The following GDPGP1 variants were observed in gnomAD, a reference collection of about 807,000 sequenced individuals.
GDPGP1 encodes the protein GDP-D-glucose phosphorylase 1, also known as GDP-D-glucose phosphorylase C15orf58.
Under a neutral mutation model 19.2 loss-of-function variants are expected in GDPGP1, and 18 were observed. That is an observed-to-expected ratio of 0.94 (90% CI 0.65 to 1.39). GDPGP1 has a LOEUF of 1.39. GDPGP1 is among the 40% of genes most tolerant of loss of function. The pLI, the probability that GDPGP1 is intolerant of heterozygous loss-of-function variation, is 0.00. For synonymous variants in GDPGP1, 219 were observed against 208.9 expected, an observed-to-expected ratio of 1.05 and a Z score of -0.42; for missense variants, 449 against 490.5, an observed-to-expected ratio of 0.92 and a Z score of 0.80.
intron 2 of GDPGP1, among the ~76,000 whole-genome samples, chr15:90,235,425 A>G (rs1962612385): frequency 6.6e-6 from 1 of 152,110 alleles, no homozygotes; most frequent in African/African-American, 2.4e-5. Context: ...AATTAGCCAG[A>G]CATGGTTAAA....
intron 3 of GDPGP1, among the ~76,000 whole-genome samples, chr15:90,238,927 AAAAAC>A (rs143396632): frequency 6.6e-6 from 1 of 152,156 alleles, no homozygotes; most frequent in Admixed American, 6.5e-5. Flanking sequence ...TGTCTCTACC[AAAAAC>A]AAAACAAAAC....
At position 90,244,351 on chromosome 15, in the gene GDPGP1, G is replaced by T. The variant is rs1323580806; in HGVS notation, c.*2285G>T. 6.6e-6 allele frequency: 1 copy of T among 152,168 alleles called. No individual in the cohort carries two copies. The highest frequency in any genetic ancestry group is 1.5e-5 in the Non-Finnish European group (1 of 68,046). The allele number at this position is 152,168 out of a possible 1,614,324, so 9.4% of individuals were successfully genotyped here. On this transcript the variant is annotated 3_prime_UTR_variant, in exon 4 of 4. Coordinates refer to ENST00000329600, the MANE Select transcript of GDPGP1 (RefSeq NM_001013657.3). The stretch of plus-strand genomic sequence containing the variant: ...AAGCTAAGTCGTTGTTCCTCCGTCT[G>T]CATCTGAGTCAATGTGGGAAATTTT...
In GDPGP1 at chr15:90,241,148, A is replaced by G. The variant is rs775635486; in HGVS notation, c.240A>G (p.Leu80=). Residue 80 remains leucine (L), a synonymous_variant, in exon 4 of 4, where the codon CTA becomes CTG. Transcript: ENST00000329600. ...AGCTGGGGCTGTTTCGCTACCGTCT[A>G]CGGGAGCTACAGACCCAAATCCTCC... The part of the protein sequence containing the change: ...RVELGLFRYR[L]RELQTQILPG... 6.2e-6 allele frequency: 10 copies of G among 1,614,130 alleles called. No individual in the cohort carries two copies. The Middle Eastern group carries it at 9.9e-4, about 160-fold the overall frequency.
rs1245023458 is a variant in GDPGP1, at chr15:90,244,453, A to G, written c.*2387A>G. 2 of 152,184 alleles carry G rather than the reference A, an allele frequency of 1.3e-5. No homozygotes were observed. The allele number at this position is 152,184 out of a possible 1,614,324, so 9.4% of individuals were successfully genotyped here. On this transcript the variant is annotated 3_prime_UTR_variant, in exon 4 of 4. Coordinates refer to ENST00000329600, the MANE Select transcript of GDPGP1 (RefSeq NM_001013657.3). ...GTTCCAGAGGAACTAGTCAGTAGAC[A>G]CTATTCTAAGAGAGTATGTGGGTGT...
Position 90,244,993 on chromosome 15 carries a change from G to A in GDPGP1, c.*2927G>A, listed in dbSNP as rs1278336765. 6.6e-6 allele frequency: 1 copy of A among 152,350 alleles called. No individual in the cohort carries two copies. Among genetic ancestry groups the A allele is most frequent in the Non-Finnish European group, 1.5e-5 (1 of 68,160 alleles). 9.4% of individuals were successfully genotyped at this position (152,350 alleles called of 1,614,324 possible). On this transcript the variant is annotated 3_prime_UTR_variant, in exon 4 of 4. Transcript: ENST00000329600. ...GTCTGAGTGGGCTCACCCAGGAGGG[G>A]TTTTGATTTCTCTGCCTCCCAAACT...
chr15:90,237,859 G>T (rs1962668962), intron 2 of GDPGP1, among the ~76,000 whole-genome samples: 1 of 152,080 alleles, frequency 6.6e-6, no homozygotes, highest in Non-Finnish European at 1.5e-5. Context: ...GGCTGAGGTG[G>T]ATGGATTGCT....
At chr15:90,236,404 T>C (rs1962637754) in intron 2 of GDPGP1, among the ~76,000 whole-genome samples, 1 of 152,246 alleles carries the variant, frequency 6.6e-6, no homozygotes, top group South Asian at 2.1e-4. Flanking sequence ...GTGATCTAGA[T>C]CTCTCAGTCA....
rs1433905993 is a variant in GDPGP1, at chr15:90,243,550, T to A, written c.*1484T>A. The A allele has an allele frequency of 6.6e-6, 1 of 152,098 alleles. No homozygotes were observed. The highest frequency in any genetic ancestry group is 2.4e-5 in the African/African-American group (1 of 41,336). 9.4% of individuals were successfully genotyped at this position (152,098 alleles called of 1,614,324 possible). A position where few individuals can be genotyped will look rare whatever the true frequency, so the allele number is the denominator to read the frequency against. On this transcript the variant is annotated 3_prime_UTR_variant, in exon 4 of 4. Coordinates refer to ENST00000329600, the MANE Select transcript of GDPGP1 (RefSeq NM_001013657.3). ...TTTGTAGAGATAGGGTCTTGCTATG[T>A]TGCCCGGGTTGCTGTCAAACTCCTG... is the stretch of plus-strand genomic sequence containing the variant.
At chr15:90,235,214 C>T (rs1596174682) in intron 2 of GDPGP1, among the ~76,000 whole-genome samples, 1 of 152,164 alleles carries the variant, frequency 6.6e-6, no homozygotes, top group Admixed American at 6.5e-5. Context: ...CCAGTGCTCT[C>T]CTTGGCAGCA....
At position 90,241,070 on chromosome 15, in the gene GDPGP1, G is replaced by A. The variant is rs1596178997; in HGVS notation, c.162G>A (p.Leu54=). The change falls in exon 4 of 4, where the codon CTG becomes CTA. Residue 54 remains leucine (L), a synonymous_variant. Coordinates refer to ENST00000329600, the MANE Select transcript of GDPGP1 (RefSeq NM_001013657.3). ...PRNAPGIPDA[L]PQSPFDAALC... Reference sequence around the variant, plus strand: ...ATGCACCTGGCATCCCAGATGCTCTGCCACAATCTCCCTTTGATGCTGCAC... The same window carrying A: ...ATGCACCTGGCATCCCAGATGCTCTACCACAATCTCCCTTTGATGCTGCAC... The A allele has an allele frequency of 6.2e-7, 1 of 1,614,198 alleles. No homozygotes were observed. The highest frequency in any genetic ancestry group is 2.2e-5 in the East Asian group (1 of 44,892).
In GDPGP1 at chr15:90,245,312, TAAAAACAC is replaced by T. The variant is rs973015774; in HGVS notation, c.*3252_*3259del. The T allele has an allele frequency of 2.0e-5, 3 of 151,862 alleles. No homozygotes were observed. The highest frequency in any genetic ancestry group is 2.9e-5 in the Non-Finnish European group (2 of 67,978). The allele number at this position is 151,862 out of a possible 1,614,324, so 9.4% of individuals were successfully genotyped here. A position where few individuals can be genotyped will look rare whatever the true frequency, so the allele number is the denominator to read the frequency against. On this transcript the variant is annotated 3_prime_UTR_variant, in exon 4 of 4. Transcript: ENST00000329600. ...CAACATGGTGAAACCCCGTCTCTAC[TAAAAACAC>T]AAAAATTAGCTGGGTGTGGGTGCAC...
chr15:90,242,063 A>T lies in GDPGP1; in HGVS notation c.1155A>T (p.Gln385His), dbSNP rs145958808. The T allele has an allele frequency of 5.1e-5, 81 of 1,597,330 alleles. 1 individual carries two copies. In the African/African-American group the frequency reaches 8.3e-4, roughly 16 times the overall value. Residue 385 changes from glutamine to histidine, a missense_variant, in exon 4 of 4, where the codon CAA becomes CAT. Gln to His is a conservative substitution (Grantham distance 24). Transcript: ENST00000329600. Reference protein sequence around the residue: ...ALVALMSQEEQ With the variant: ...ALVALMSQEEH ...TGGCCCTGATGTCCCAGGAAGAGCA[A>T]TAATACTTCTGGATGTATTTATGTT...
At chr15:90,240,446 T>G (rs1962727890) in intron 3 of GDPGP1, among the ~76,000 whole-genome samples, 2 of 152,016 alleles carry the variant, frequency 1.3e-5, no homozygotes, top group Admixed American at 1.3e-4. Context: ...AGGTGGAGGT[T>G]GCAGTGAGCC....
At chr15:90,240,669 C>A (rs1183285074) in intron 3 of GDPGP1, among the ~76,000 whole-genome samples, 1 of 151,682 alleles carries the variant, frequency 6.6e-6, no homozygotes, top group Non-Finnish European at 1.5e-5. Flanking sequence ...AAAAATTACC[C>A]GGGCATGGTG....
intron 3 of GDPGP1, 147 bp from the exon 4 acceptor site, chr15:90,240,753 C>G: frequency 1.7e-6 from 1 of 595,650 alleles, no homozygotes; most frequent in South Asian, 2.2e-5. Flanking sequence ...GCGGAGGTTA[C>G]AGTGAACCAA....
rs1596180702 is a variant in GDPGP1, at chr15:90,242,687, T to A, written c.*621T>A. On this transcript the variant is annotated 3_prime_UTR_variant, in exon 4 of 4. Transcript: ENST00000329600. ...GTCTTGAACTCCTGACTTTAGGTGA[T>A]CCGCCCGCCTCGGCCTCCCAAAGTG... The A allele has an allele frequency of 6.6e-6, 1 of 152,148 alleles. No individual in the cohort carries two copies. Among genetic ancestry groups the A allele is most frequent in the African/African-American group, 2.4e-5 (1 of 41,412 alleles). The allele number at this position is 152,148 out of a possible 1,614,324, so 9.4% of individuals were successfully genotyped here.
rs1962808821 is a variant in GDPGP1 at position 90,243,618 on chromosome 15, ATGCCACCACACCT to A, written c.*1555_*1567del. ...CACCTCGGCCTCCCAGAGTGCTAAG[ATGCCACCACACCT>A]TGGTGCAGGTTTTTTTTTTTTTTTT... On this transcript the variant is annotated 3_prime_UTR_variant, in exon 4 of 4. Transcript: ENST00000329600. 7.1e-6 allele frequency: 1 copy of A among 140,364 alleles called. No homozygotes were observed. Among genetic ancestry groups the A allele is most frequent in the Non-Finnish European group, 1.5e-5 (1 of 65,976 alleles). 8.7% of individuals were successfully genotyped at this position (140,364 alleles called of 1,614,324 possible). A position where few individuals can be genotyped will look rare whatever the true frequency, so the allele number is the denominator to read the frequency against.
At chr15:90,236,483 A>G (rs1199895805) in intron 2 of GDPGP1, among the ~76,000 whole-genome samples, 2 of 152,160 alleles carry the variant, frequency 1.3e-5, no homozygotes, top group African/African-American at 4.8e-5. Flanking sequence ...TTCATTTTGT[A>G]CACTGACCAG....
intron 2 of GDPGP1, among the ~76,000 whole-genome samples, chr15:90,236,639 T>G (rs1019440352): frequency 2.6e-5 from 4 of 151,974 alleles, no homozygotes; most frequent in African/African-American, 9.7e-5. Flanking sequence ...GTTCACCTGA[T>G]TCTCATGCCT....
Sources: gnomAD v4.1 joint callset for allele counts (sites outside exome capture counted in the v4.1 genomes callset) on GRCh38, gnomAD v4.1.1 for gene constraint, MANE v1.5 for transcripts, NCBI Gene and HGNC (gene_info 2026-07-23, HGNC 2026-07-21) for gene names.